The following KITLG variants were observed in gnomAD, a reference collection of about 807,000 sequenced individuals.
The protein encoded by KITLG is c-Kit ligand.
Under a neutral mutation model 34.1 loss-of-function variants are expected in KITLG, and 13 were observed. The ratio of observed to expected loss-of-function variants is 0.38; its 90% CI spans 0.25 to 0.61. The LOEUF (loss-of-function observed/expected upper bound fraction) is 0.61. Among genes scored for constraint, KITLG ranks in the 20% least tolerant of loss-of-function variants. The pLI is 0.60. For synonymous variants in KITLG, 110 were observed against 104.0 expected (o/e 1.06, Z -0.35); for missense variants, 292 against 318.9 (o/e 0.92, Z 0.64).
At chr12:88,573,237 G>A (rs1391378575) in intron 1 of KITLG, among the ~76,000 whole-genome samples, 3 of 152,090 alleles carry the variant, frequency 2.0e-5, no homozygotes, top group South Asian at 2.1e-4. Context: ...CATCGATATG[G>A]ATAACACATC....
At position 88,505,925 on chromosome 12, in the gene KITLG, C is replaced by T. The variant is rs552697137; in HGVS notation, c.782+386G>A. On this transcript the variant is annotated intron_variant, in intron 8 of 9. Transcript: ENST00000644744. ...AATGCTTCCTACTGAAAGAACTAAG[C>T]TTAGGAAGACGCTCCAAGAGCTGAA... 2.6e-5 allele frequency among the ~76,000 whole-genome samples: 4 copies of T among 152,208 alleles called. 1 individual carries two copies. Among genetic ancestry groups the T allele is most frequent in the African/African-American group, 9.6e-5 (4 of 41,544 alleles).
At chr12:88,516,607 C>A (rs1869467657) in intron 4 of KITLG, 117 bp from the exon 5 acceptor site, 11 of 649,570 alleles carry the variant, frequency 1.7e-5, no homozygotes, top group Admixed American at 1.5e-4. Flanking sequence ...TTACAACTAG[C>A]ACTTTTAGAT....
At chr12:88,565,858 T>C (rs1424190492) in intron 1 of KITLG, among the ~76,000 whole-genome samples, 3 of 152,150 alleles carry the variant, frequency 2.0e-5, no homozygotes, top group Non-Finnish European at 2.9e-5. Context: ...ATAAAGTATG[T>C]AACACATTTA....
intron 3 of KITLG, among the ~76,000 whole-genome samples, chr12:88,520,632 A>G (rs1353873972): frequency 1.3e-5 from 2 of 151,982 alleles, no homozygotes; most frequent in South Asian, 2.1e-4. Context: ...ACATTCCTTT[A>G]GTTTCTGTGG....
intron 1 of KITLG, among the ~76,000 whole-genome samples, chr12:88,569,622 C>T (rs1871573583): frequency 6.6e-6 from 1 of 152,104 alleles, no homozygotes; most frequent in African/African-American, 2.4e-5. Flanking sequence ...TGTACCATTG[C>T]TCATTCTGTT....
chr12:88,539,348 GA>G lies in KITLG; in HGVS notation c.129+6403del, dbSNP rs547852835. ...CTGTGCCTATGTCAACTTTTCTGGG[GA>G]AAGAGTCTATGATTTTCAGACCTAG... On this transcript the variant is annotated intron_variant, in intron 2 of 9. Transcript: ENST00000644744. Among the ~76,000 whole-genome samples the G allele has an allele frequency of 1.4e-3, 208 of 152,192 alleles. 6 individuals are homozygous for G. In the South Asian group the frequency reaches 0.042, roughly 31 times the overall value.
chr12:88,570,999 T>C (rs1035234874), intron 1 of KITLG, among the ~76,000 whole-genome samples: 10 of 152,196 alleles, frequency 6.6e-5, no homozygotes, highest in African/African-American at 1.9e-4. Context: ...GAAGATAAAA[T>C]TGGGAAAATT....
In KITLG at chr12:88,580,463, G is replaced by GAGCGA. The variant is rs1261983739; in HGVS notation, c.-190_-186dup. 57 of 728,832 alleles carry GAGCGA rather than the reference G, an allele frequency of 7.8e-5. No homozygotes were observed. In the Admixed American group the frequency reaches 1.2e-3, roughly 15 times the overall value. 45.1% of individuals were successfully genotyped at this position (728,832 alleles called of 1,614,324 possible). On this transcript the variant is annotated 5_prime_UTR_variant, in exon 1 of 10. Transcript: ENST00000644744. ...GCTTCTAGTCTCGGCGCGAGGCGGC[G>GAGCGA]AGCGAAGCCCGGCTGCTGAGCCGCC... is the stretch of plus-strand genomic sequence containing the variant.
At chr12:88,548,789 T>C (rs1409232690) in intron 1 of KITLG, among the ~76,000 whole-genome samples, 1 of 152,200 alleles carries the variant, frequency 6.6e-6, no homozygotes, top group Non-Finnish European at 1.5e-5. Context: ...CTGAATTCCC[T>C]TGGAGGAAGT....
chr12:88,561,538 A>G (rs1490937104), intron 1 of KITLG, among the ~76,000 whole-genome samples: 1 of 152,194 alleles, frequency 6.6e-6, no homozygotes, highest in Admixed American at 6.5e-5. Context: ...GATCCTCTAA[A>G]TAGCCTTCTT....
chr12:88,560,362 T>C (rs1871255536), intron 1 of KITLG, among the ~76,000 whole-genome samples: 2 of 152,364 alleles, frequency 1.3e-5, no homozygotes, highest in East Asian at 1.9e-4. Context: ...TAAATGACTA[T>C]ACAATCATTC....
intron 3 of KITLG, among the ~76,000 whole-genome samples, chr12:88,527,295 A>G (rs897211214): frequency 1.3e-5 from 2 of 152,094 alleles, no homozygotes; most frequent in Non-Finnish European, 2.9e-5. Flanking sequence ...TTTTTAAATC[A>G]CTCTGTCTAT....
chr12:88,524,159 G>C (rs929281934), intron 3 of KITLG, among the ~76,000 whole-genome samples: 1 of 152,230 alleles, frequency 6.6e-6, no homozygotes, highest in East Asian at 1.9e-4. Flanking sequence ...AATTCTAATC[G>C]ATGCTGGCCA....
chr12:88,546,150 C>T (rs1240563849), intron 1 of KITLG: 10 of 478,728 alleles, frequency 2.1e-5, no homozygotes, highest in Non-Finnish European at 3.5e-5. Flanking sequence ...CTTGTAGCAG[C>T]ATGTTAAAGA....
intron 1 of KITLG, among the ~76,000 whole-genome samples, chr12:88,562,775 C>A (rs538342849): frequency 6.6e-6 from 1 of 152,216 alleles, no homozygotes; most frequent in African/African-American, 2.4e-5. Context: ...AGGGCAGGGA[C>A]AACGTAAATA....
At chr12:88,547,991 T>C (rs1250346866) in intron 1 of KITLG, among the ~76,000 whole-genome samples, 1 of 152,070 alleles carries the variant, frequency 6.6e-6, no homozygotes, top group East Asian at 1.9e-4. Flanking sequence ...TCAAAAGCTA[T>C]GGGAAAAATA....
chr12:88,522,424 G>A (rs1263216035), intron 3 of KITLG, among the ~76,000 whole-genome samples: 1 of 111,218 alleles, frequency 9.0e-6, no homozygotes, highest in African/African-American at 3.4e-5. Flanking sequence ...TAGATGCACA[G>A]TCTTTTTTTT....
intron 6 of KITLG, among the ~76,000 whole-genome samples, chr12:88,508,404 G>A (rs1250919462): frequency 6.6e-6 from 1 of 152,108 alleles, no homozygotes; most frequent in Non-Finnish European, 1.5e-5. Context: ...GATTTAACTT[G>A]ATAAGTCAGA....
chr12:88,559,975 T>A (rs41301123), intron 1 of KITLG, among the ~76,000 whole-genome samples: 1 of 152,232 alleles, frequency 6.6e-6, no homozygotes, highest in East Asian at 1.9e-4. Context: ...GCAGGCTCAC[T>A]GTTTATGAAG....
Sources: allele counts gnomAD v4.1 joint callset (sites outside exome capture counted in the v4.1 genomes callset), GRCh38; gene constraint gnomAD v4.1.1; transcripts MANE v1.5; gene names NCBI Gene and HGNC (gene_info 2026-07-23, HGNC 2026-07-21).